GAPDH: variants seen among roughly 807,000 people sequenced by gnomAD.
GAPDH encodes OCAS, p38 component.
A neutral mutation model predicts 31.2 loss-of-function variants in GAPDH; 13 were observed. The ratio of observed to expected loss-of-function variants is 0.42; its 90% CI spans 0.27 to 0.66. The LOEUF (loss-of-function observed/expected upper bound fraction) is 0.66. Among genes scored for constraint, GAPDH ranks in the 30% least tolerant of loss-of-function variants. The pLI is 0.26. For synonymous variants in GAPDH, 211 were observed against 166.9 expected (o/e 1.26, Z -2.04); for missense variants, 300 against 443.7 (o/e 0.68, Z 2.91).
In GAPDH at chr12:6,538,371, A is replaced by G. The variant is rs112433978; in HGVS notation, c.*201A>G. 1 of 590,792 alleles carries G rather than the reference A, an allele frequency of 1.7e-6. No individual in the cohort carries two copies. Among genetic ancestry groups the G allele is most frequent in the African/African-American group, 1.9e-5 (1 of 53,760 alleles). The allele number at this position is 590,792 out of a possible 1,614,324, so 36.6% of individuals were successfully genotyped here. ...TCAATAAAGTACCCTGTGCTCAACC[A>G]GTTACTTGTCCTGTCTTATTCTAGG... On this transcript the variant is annotated 3_prime_UTR_variant, in exon 9 of 9. Coordinates refer to ENST00000229239, the MANE Select transcript of GAPDH (RefSeq NM_002046.7).
chr12:6,534,558 T>C lies in GAPDH; in HGVS notation c.-35T>C, dbSNP rs1385877947. ...GTTCGACAGTCAGCCGCATCTTCTT[T>C]TGCGTCGCCAGGTGAAGACGGGCGG... is the stretch of plus-strand genomic sequence containing the variant. On this transcript the variant is annotated 5_prime_UTR_variant, in exon 1 of 9. Transcript: ENST00000229239. 1.1e-5 allele frequency: 6 copies of C among 521,838 alleles called. No homozygotes were observed. The highest frequency in any genetic ancestry group is 5.2e-4 in the Middle Eastern group (1 of 1,924). 32.3% of individuals were successfully genotyped at this position (521,838 alleles called of 1,614,324 possible). A position where few individuals can be genotyped will look rare whatever the true frequency, so the allele number is the denominator to read the frequency against.
At position 6,537,523 on chromosome 12, in the gene GAPDH, T is replaced by TGG; in HGVS notation, c.526-58_526-57dup. 3.8e-6 allele frequency: 6 copies of TGG among 1,585,870 alleles called. No individual in the cohort carries two copies. Among genetic ancestry groups the TGG allele is most frequent in the Non-Finnish European group, 5.2e-6 (6 of 1,163,770 alleles). On this transcript the variant is annotated intron_variant, in intron 7 of 8. Coordinates refer to ENST00000229239, the MANE Select transcript of GAPDH (RefSeq NM_002046.7). This position sits in a 1 kb window ranked among gnomAD's most constrained non-coding sequence, Gnocchi z 4.9. ...GCTTTCCCATAATTTCCTTTCAAGGTGGGGAGGGAGGTAGAGGGGTGATGT... is the reference window on the plus strand; with the variant it reads ...GCTTTCCCATAATTTCCTTTCAAGGTGGGGGGAGGGAGGTAGAGGGGTGATGT...
rs1946421036 is a variant in GAPDH, at chr12:6,534,779, T to G, written c.-23-31T>G. ...AGGCGTGTGTGTCGGCCGGGGCCAC[T>G]AGGCGCTCACTGTTCTCTCCCTCCG... On this transcript the variant is annotated intron_variant, in intron 1 of 8. Transcript: ENST00000229239. 4 of 1,599,670 alleles carry G rather than the reference T, an allele frequency of 2.5e-6. No homozygotes were observed. The East Asian group carries it at 6.7e-5, about 27-fold the overall frequency.
chr12:6,537,768 C>T lies in GAPDH; in HGVS notation c.710C>T (p.Thr237Ile), dbSNP rs763967581. The change falls in exon 8 of 9, where the codon ACT becomes ATT. Residue 237 changes from threonine (T) to isoleucine (I), a missense_variant. Thr to Ile is a moderately conservative substitution (Grantham distance 89). Coordinates refer to ENST00000229239, the MANE Select transcript of GAPDH (RefSeq NM_002046.7). This position sits in a 1 kb window ranked among gnomAD's most constrained non-coding sequence, Gnocchi z 4.9. ...KLTGMAFRVP[T>I]ANVSVVDLTC... ...ACTGGCATGGCCTTCCGTGTCCCCA[C>T]TGCCAACGTGTCAGTGGTGGACCTG... 1 of 1,611,816 alleles carries T rather than the reference C, an allele frequency of 6.2e-7. No individual in the cohort carries two copies. The highest frequency in any genetic ancestry group is 8.5e-7 in the Non-Finnish European group (1 of 1,179,848).
At chr12:6,535,017 C>T (rs1565551544) in intron 2 of GAPDH, 156 bp downstream of exon 2, 2 of 935,954 alleles carry the variant, frequency 2.1e-6, no homozygotes, top group Non-Finnish European at 3.2e-6. Flanking sequence ...TGGCGGAGCC[C>T]CGCACCCAGG....
chr12:6,537,339 A>T lies in GAPDH; in HGVS notation c.474A>T (p.Ala158=). The T allele has an allele frequency of 6.2e-7, 1 of 1,609,998 alleles. No individual in the cohort carries two copies. Among genetic ancestry groups the T allele is most frequent in the Non-Finnish European group, 8.5e-7 (1 of 1,179,952 alleles). The change falls in exon 7 of 9, where the codon GCA becomes GCT. Residue 158 remains alanine (A), a synonymous_variant. Transcript: ENST00000229239. The surrounding 1 kb of genome is among the most constrained non-coding windows in gnomAD (Gnocchi z 4.9). ...CCTCCTGCACCACCAACTGCTTAGC[A>T]CCCCTGGCCAAGGTCATCCATGACA... is the stretch of plus-strand genomic sequence containing the variant. The part of the protein sequence containing the change: ...SNASCTTNCL[A]PLAKVIHDNF...
rs1565554458 is a variant in GAPDH, at chr12:6,537,427, T to G, written c.525+37T>G. The G allele has an allele frequency of 6.3e-7, 1 of 1,595,816 alleles. No individual in the cohort carries two copies. Among genetic ancestry groups the G allele is most frequent in the Admixed American group, 1.7e-5 (1 of 59,940 alleles). Reference sequence around the variant, plus strand: ...GGGGAATGGGACTGAGGCTCCCACCTTTCTCATCCAAGACTGGCTCCTCCC... The same window carrying G: ...GGGGAATGGGACTGAGGCTCCCACCGTTCTCATCCAAGACTGGCTCCTCCC... On this transcript the variant is annotated intron_variant, in intron 7 of 8. Transcript: ENST00000229239. The surrounding 1 kb of genome is among the most constrained non-coding windows in gnomAD (Gnocchi z 4.9).
chr12:6,536,394 G>A (rs1946465556), intron 2 of GAPDH, 100 bp from the exon 3 acceptor site: 1 of 841,980 alleles, frequency 1.2e-6, no homozygotes, highest in Non-Finnish European at 2.0e-6. Flanking sequence ...GGGGTAAGGA[G>A]ATGCTGCATT....
At chr12:6,535,299 T>A in intron 2 of GAPDH, 1 of 1,004,282 alleles carries the variant, frequency 1.0e-6, no homozygotes, top group Non-Finnish European at 1.2e-6. Flanking sequence ...GCGGCCGCCA[T>A]GTTGCAACCG....
At chr12:6,536,869 C>T (rs774807547) in intron 4 of GAPDH, 51 bp from the exon 5 acceptor site, 4 of 1,588,788 alleles carry the variant, frequency 2.5e-6, no homozygotes, top group South Asian at 2.2e-5. Context: ...TATATGGTAA[C>T]CTTGTGTCCC....
Position 6,536,409 on chromosome 12 carries a change from C to T in GAPDH, c.30-85C>T, listed in dbSNP as rs45566533. On this transcript the variant is annotated intron_variant, in intron 2 of 8. Coordinates refer to ENST00000229239, the MANE Select transcript of GAPDH (RefSeq NM_002046.7). ...GGGGTAAGGAGATGCTGCATTCGCC[C>T]TCTTAATGGGGAGGTGGCCTAGGGC... is the stretch of plus-strand genomic sequence containing the variant. The T allele has an allele frequency of 7.4e-4, 720 of 967,754 alleles. 3 individuals are homozygous for T. In the African/African-American group the frequency reaches 9.9e-3, roughly 13 times the overall value. 59.9% of individuals were successfully genotyped at this position (967,754 alleles called of 1,614,324 possible).
At position 6,537,965 on chromosome 12, in the gene GAPDH, C is replaced by G. The variant is rs762031906; in HGVS notation, c.907C>G (p.Leu303Val). 1.9e-6 allele frequency: 3 copies of G among 1,613,796 alleles called. No individual in the cohort carries two copies. Among genetic ancestry groups the G allele is most frequent in the South Asian group, 1.1e-5 (1 of 91,082 alleles). The change falls in exon 8 of 9, where the codon CTC (leucine) becomes GTC (valine). Residue 303 changes from leucine to valine, a missense_variant. Coordinates refer to ENST00000229239, the MANE Select transcript of GAPDH (RefSeq NM_002046.7). The surrounding 1 kb of genome is among the most constrained non-coding windows in gnomAD (Gnocchi z 4.9). ...STFDAGAGIALNDHFVKLISW... is the reference protein window; with the variant it reads ...STFDAGAGIAVNDHFVKLISW... ...CTTTGACGCTGGGGCTGGCATTGCC[C>G]TCAACGACCACTTTGTCAAGCTCAT...
chr12:6,538,176 C>T lies in GAPDH; in HGVS notation c.*6C>T, dbSNP rs3211592. 6.9e-6 allele frequency: 11 copies of T among 1,604,590 alleles called. No individual in the cohort carries two copies. Among genetic ancestry groups the T allele is most frequent in the Middle Eastern group, 2.1e-4 (1 of 4,664 alleles). The stretch of plus-strand genomic sequence containing the variant: ...ACATGGCCTCCAAGGAGTAAGACCC[C>T]TGGACCACCAGCCCCAGCAAGAGCA... On this transcript the variant is annotated 3_prime_UTR_variant, in exon 9 of 9. Coordinates refer to ENST00000229239, the MANE Select transcript of GAPDH (RefSeq NM_002046.7).
Position 6,537,468 on chromosome 12 carries a change from C to T in GAPDH, c.525+78C>T, listed in dbSNP as rs1946503038. 2 of 1,583,410 alleles carry T rather than the reference C, an allele frequency of 1.3e-6. No individual in the cohort carries two copies. Among genetic ancestry groups the T allele is most frequent in the African/African-American group, 1.3e-5 (1 of 74,322 alleles). On this transcript the variant is annotated intron_variant, in intron 7 of 8. Coordinates refer to ENST00000229239, the MANE Select transcript of GAPDH (RefSeq NM_002046.7). This position sits in a 1 kb window ranked among gnomAD's most constrained non-coding sequence, Gnocchi z 4.9. ...GGCTCCTCCCTGCCGGGGCTGCGTGCAACCCTGGGGTTGGGGGTTCTGGGG... is the reference window on the plus strand; with the variant it reads ...GGCTCCTCCCTGCCGGGGCTGCGTGTAACCCTGGGGTTGGGGGTTCTGGGG...
chr12:6,536,682 A>G lies in GAPDH; in HGVS notation c.130-2A>G. 1 of 1,605,950 alleles carries G rather than the reference A, an allele frequency of 6.2e-7. No homozygotes were observed. Among genetic ancestry groups the G allele is most frequent in the South Asian group, 1.1e-5 (1 of 88,224 alleles). On this transcript the variant is annotated splice_acceptor_variant, in intron 3 of 8. Transcript: ENST00000229239. LOFTEE classifies it high-confidence loss of function. ...CCTTCATACCCTCACGTATTCCCCC[A>G]GGTTTACATGTTCCAATATGATTCC...
chr12:6,535,939 G>A (rs1946453978), intron 2 of GAPDH, among the ~76,000 whole-genome samples: 1 of 152,208 alleles, frequency 6.6e-6, no homozygotes, highest in Non-Finnish European at 1.5e-5. Flanking sequence ...AGGAAGGACA[G>A]GCAACTTGGC....
Position 6,537,178 on chromosome 12 carries a change from G to A in GAPDH, c.405G>A (p.Val135=), listed in dbSNP as rs760555162. Residue 135 remains valine, a synonymous_variant, in exon 6 of 9, where the codon GTG becomes GTA. Coordinates refer to ENST00000229239, the MANE Select transcript of GAPDH (RefSeq NM_002046.7). The surrounding 1 kb of genome is among the most constrained non-coding windows in gnomAD (Gnocchi z 4.9). The stretch of plus-strand genomic sequence containing the variant: ...ATGCCCCCATGTTCGTCATGGGTGT[G>A]AACCATGAGAAGTATGACAACAGCC... ...SADAPMFVMG[V]NHEKYDNSLK... The A allele has an allele frequency of 1.2e-6, 2 of 1,613,226 alleles. No individual in the cohort carries two copies. Among genetic ancestry groups the A allele is most frequent in the Non-Finnish European group, 1.7e-6 (2 of 1,179,922 alleles).
At chr12:6,536,835 C>G in intron 4 of GAPDH, 45 bp downstream of exon 4, 1 of 1,583,480 alleles carries the variant, frequency 6.3e-7, no homozygotes, top group Non-Finnish European at 8.7e-7. Flanking sequence ...GGGGAGGCAA[C>G]TAGGATGGTG....
At chr12:6,535,324 G>A in intron 2 of GAPDH, 1 of 996,294 alleles carries the variant, frequency 1.0e-6, no homozygotes, top group African/African-American at 1.7e-5. Context: ...GGAAATGAAT[G>A]GGCAGCCGTT....
Sources: gnomAD v4.1 joint callset for allele counts (sites outside exome capture counted in the v4.1 genomes callset) on GRCh38, gnomAD v4.1.1 for gene constraint, Gnocchi (gnomAD v3.1) non-coding constraint, MANE v1.5 for transcripts, NCBI Gene and HGNC (gene_info 2026-07-23, HGNC 2026-07-21) for gene names.